KCNK10: variants seen among roughly 807,000 people sequenced by gnomAD.
KCNK10 encodes potassium channel subfamily K member 10.
A neutral mutation model predicts 47.7 loss-of-function variants in KCNK10; 25 were observed. The observed-to-expected ratio is 0.52, with a 90% CI of 0.38 to 0.73. The LOEUF (loss-of-function observed/expected upper bound fraction) is 0.73. KCNK10 is among the 30% of genes least tolerant of loss of function. The pLI is 0.00. For missense variants in KCNK10, 563 were observed against 714.5 expected, an observed-to-expected ratio of 0.79 and a Z score of 2.42; for synonymous variants, 303 against 285.6, an observed-to-expected ratio of 1.06 and a Z score of -0.61.
In KCNK10 at chr14:88,225,811, G is replaced by A. The variant is rs186551001; in HGVS notation, c.681+1564C>T. On this transcript the variant is annotated intron_variant, in intron 4 of 6. Coordinates refer to ENST00000319231, the MANE Select transcript of KCNK10 (RefSeq NM_138317.3). ...GCAGCTAAAAGGGTGCTTCCAAGAA[G>A]TTCAAAAGAGTTCTTGGAGACAGGG... 2.4e-3 allele frequency among the ~76,000 whole-genome samples: 362 copies of A among 152,322 alleles called. 4 individuals carry two copies. The highest frequency in any genetic ancestry group is 8.2e-4 in the Non-Finnish European group (56 of 68,024).
Position 88,181,892 on chromosome 14 carries a change from C to T in KCNK10, c.*3643G>A, listed in dbSNP as rs1884372682. On this transcript the variant is annotated 3_prime_UTR_variant, in exon 7 of 7. Coordinates refer to ENST00000319231, the MANE Select transcript of KCNK10 (RefSeq NM_138317.3). ...CCTTGACAAGTATCTGTGCTCAACT[C>T]CCTCCCTTGATGTGCAGACAAGGTA... 6.6e-6 allele frequency: 1 copy of T among 152,222 alleles called. No individual in the cohort carries two copies. The highest frequency in any genetic ancestry group is 2.4e-5 in the African/African-American group (1 of 41,404). The allele number at this position is 152,222 out of a possible 1,614,324, so 9.4% of individuals were successfully genotyped here.
intron 1 of KCNK10, among the ~76,000 whole-genome samples, chr14:88,281,806 G>GAT (rs1156505805): frequency 8.6e-5 from 11 of 128,264 alleles, no homozygotes; most frequent in South Asian, 2.9e-4. Context: ...CTCTCATATA[G>GAT]ATATATATAT....
chr14:88,277,459 C>T (rs1010694641), intron 1 of KCNK10, among the ~76,000 whole-genome samples: 2 of 152,030 alleles, frequency 1.3e-5, no homozygotes, highest in East Asian at 1.9e-4. Flanking sequence ...TGGGAGTGGG[C>T]GCAGGTTAGA....
chr14:88,207,718 T>C (rs1464501340), intron 4 of KCNK10, among the ~76,000 whole-genome samples: 1 of 152,224 alleles, frequency 6.6e-6, no homozygotes, highest in African/African-American at 2.4e-5. Context: ...TTCCAGGCCA[T>C]GTGCTAGCAC....
intron 4 of KCNK10, among the ~76,000 whole-genome samples, chr14:88,192,862 CT>C (rs1362566504): frequency 2.0e-5 from 3 of 152,182 alleles, no homozygotes; most frequent in Non-Finnish European, 2.9e-5. Context: ...CACCGTTTCC[CT>C]TGTGTCAAAC....
chr14:88,185,554 A>G lies in KCNK10; in HGVS notation c.1613T>C (p.Leu538Ser). Residue 538 changes from leucine to serine, a missense_variant, in exon 7 of 7, where the codon TTA becomes TCA. Coordinates refer to ENST00000319231, the MANE Select transcript of KCNK10 (RefSeq NM_138317.3). This position sits in a 1 kb window ranked among gnomAD's most constrained non-coding sequence, Gnocchi z 4.3. ...TCACATTTAGTTTCTGTCTTCAAGT[A>G]ATGAGTTGTTCTCCGGCTCCCGGTC... ...TKDREPENNS[L>S]LEDRN 1 of 1,613,412 alleles carries G rather than the reference A, an allele frequency of 6.2e-7. No homozygotes were observed. Among genetic ancestry groups the G allele is most frequent in the Non-Finnish European group, 8.5e-7 (1 of 1,179,452 alleles).
At chr14:88,282,580 A>C (rs372157054) in intron 1 of KCNK10, among the ~76,000 whole-genome samples, 13 of 152,160 alleles carry the variant, frequency 8.5e-5, no homozygotes, top group East Asian at 3.9e-4. Flanking sequence ...TCCTGGAACA[A>C]ATCAGCAAAC....
At position 88,244,816 on chromosome 14, in the gene KCNK10, C is replaced by T. The variant is rs148351606; in HGVS notation, c.403-3996G>A. 1.4e-4 allele frequency among the ~76,000 whole-genome samples: 21 copies of T among 152,274 alleles called. No individual in the cohort carries two copies. In the East Asian group the frequency reaches 3.9e-3, roughly 28 times the overall value. ...AAGATGTTACAGGGTAGAGGTTCAA[C>T]CAATGTTATTTAATAATTTCAGACT... On this transcript the variant is annotated intron_variant, in intron 2 of 6. Transcript: ENST00000319231.
chr14:88,326,277 T>C (rs1888661282), upstream of KCNK10: 3 of 517,920 alleles, frequency 5.8e-6, no homozygotes, highest in Admixed American at 3.7e-5. Flanking sequence ...CCTCCTCAAC[T>C]GCGTATTTGG....
In KCNK10 at chr14:88,181,151, A is replaced by G. The variant is rs1394702945; in HGVS notation, c.*4384T>C. On this transcript the variant is annotated 3_prime_UTR_variant, in exon 7 of 7. Coordinates refer to ENST00000319231, the MANE Select transcript of KCNK10 (RefSeq NM_138317.3). Reference sequence around the variant, plus strand: ...TCCCGTGGTTCAGAAACCCTGGTACACACTGGATGCTTCATATTCTCACCA... The same window carrying G: ...TCCCGTGGTTCAGAAACCCTGGTACGCACTGGATGCTTCATATTCTCACCA... The G allele has an allele frequency of 4.2e-6, 1 of 239,964 alleles. No homozygotes were observed. Among genetic ancestry groups the G allele is most frequent in the Non-Finnish European group, 8.0e-6 (1 of 125,760 alleles). 14.9% of individuals were successfully genotyped at this position (239,964 alleles called of 1,614,324 possible).
chr14:88,326,189 C>A (rs1035040850), upstream of KCNK10, among the ~76,000 whole-genome samples: 1 of 134,672 alleles, frequency 7.4e-6, no homozygotes, highest in African/African-American at 2.9e-5. Flanking sequence ...CCGCCCCCCC[C>A]CAAAAAAAAA....
At chr14:88,262,548 T>TTAGGCTGCAG (rs1477834939) in intron 2 of KCNK10, among the ~76,000 whole-genome samples, 3 of 152,342 alleles carry the variant, frequency 2.0e-5, no homozygotes, top group Middle Eastern at 3.4e-3. Flanking sequence ...CCTTGCTTCT[T>TTAGGCTGCAG]TAGGCTGCAG....
rs373525982 is a variant in KCNK10, at chr14:88,310,205, G to GGTATATC, written c.52+12541_52+12542insGATATAC. Reference sequence around the variant, plus strand: ...TGATATACCATATCATATGGTATATGATATACCATATCATATGGTATATGA... The same window carrying GGTATATC: ...TGATATACCATATCATATGGTATATGGTATATCATATACCATATCATATGGTATATGA... On this transcript the variant is annotated intron_variant, in intron 1 of 6. Coordinates refer to ENST00000319231, the MANE Select transcript of KCNK10 (RefSeq NM_138317.3). 9.0e-3 allele frequency among the ~76,000 whole-genome samples: 380 copies of GGTATATC among 42,330 alleles called. 28 individuals are homozygous for GGTATATC. The highest frequency in any genetic ancestry group is 0.034 in the East Asian group (45 of 1,324). 27.8% of individuals were successfully genotyped at this position (42,330 alleles called of 152,430 possible). A position where few individuals can be genotyped will look rare whatever the true frequency, so the allele number is the denominator to read the frequency against.
intron 2 of KCNK10, among the ~76,000 whole-genome samples, chr14:88,251,232 CAAAAAA>C (rs1160023262): frequency 2.8e-5 from 2 of 70,204 alleles, no homozygotes; most frequent in South Asian, 5.8e-4. Context: ...GACTCTGTCT[CAAAAAA>C]AAAAAAAAAA....
chr14:88,242,833 G>A (rs967079966), intron 2 of KCNK10, among the ~76,000 whole-genome samples: 6 of 152,142 alleles, frequency 3.9e-5, no homozygotes, highest in East Asian at 3.8e-4. Context: ...ATTCAGCTCT[G>A]ATGAGCCCAC....
chr14:88,225,949 C>A (rs567676282), intron 4 of KCNK10, among the ~76,000 whole-genome samples: 1 of 152,192 alleles, frequency 6.6e-6, no homozygotes, highest in East Asian at 1.9e-4. Context: ...ATGAGGCCAC[C>A]GGCCAGCCAG....
intron 1 of KCNK10, among the ~76,000 whole-genome samples, chr14:88,272,008 G>A (rs570724705): frequency 1.3e-5 from 2 of 151,552 alleles, no homozygotes; most frequent in South Asian, 4.2e-4. Flanking sequence ...AGGAAGCAGG[G>A]GGAAGGTTGG....
At position 88,263,464 on chromosome 14, in the gene KCNK10, C is replaced by T. The variant is rs150779140; in HGVS notation, c.140G>A (p.Arg47His). The change falls in exon 2 of 7, where the codon CGC (arginine) becomes CAC (histidine). Residue 47 changes from arginine to histidine, a missense_variant. Coordinates refer to ENST00000319231, the MANE Select transcript of KCNK10 (RefSeq NM_138317.3). ...PPAPAPTPTP[R>H]LSISSRATVV... ...TGTGGCTCGGGAGGAAATGGACAGGCGCGGAGTTGGAGTCGGAGCCGGAGC... is the reference window on the plus strand; with the variant it reads ...TGTGGCTCGGGAGGAAATGGACAGGTGCGGAGTTGGAGTCGGAGCCGGAGC... The T allele has an allele frequency of 2.9e-5, 47 of 1,614,058 alleles. No homozygotes were observed. Among genetic ancestry groups the T allele is most frequent in the African/African-American group, 2.7e-4 (20 of 75,058 alleles).
intron 4 of KCNK10, among the ~76,000 whole-genome samples, chr14:88,203,632 G>A (rs756849234): frequency 1.3e-5 from 2 of 152,244 alleles, no homozygotes; most frequent in Non-Finnish European, 2.9e-5. Context: ...TTTGGAAGGT[G>A]TTGTATCTAT....
Sources: gnomAD v4.1 joint callset for allele counts (sites outside exome capture counted in the v4.1 genomes callset) on GRCh38, gnomAD v4.1.1 for gene constraint, Gnocchi (gnomAD v3.1) non-coding constraint, MANE v1.5 for transcripts, NCBI Gene and HGNC (gene_info 2026-07-23, HGNC 2026-07-21) for gene names.